ANKRD27: variants seen among roughly 807,000 people sequenced by gnomAD.
ANKRD27 encodes the protein ankyrin repeat domain-containing protein 27.
In ANKRD27, 112 loss-of-function variants were observed where a neutral mutation model predicts 129.7. That is an observed-to-expected ratio of 0.86 (90% CI 0.74 to 1.01). The LOEUF (loss-of-function observed/expected upper bound fraction) is 1.01, where lower values mean the gene tolerates loss of function less well. ANKRD27 is among the 50% of genes least tolerant of loss of function. The pLI, the probability that ANKRD27 is intolerant of heterozygous loss-of-function variation, is 0.00. For synonymous variants in ANKRD27, 516 were observed against 511.2 expected, an observed-to-expected ratio of 1.01 and a Z score of -0.13; for missense variants, 1,258 against 1,300.5, an observed-to-expected ratio of 0.97 and a Z score of 0.50.
rs1173706857 is a variant in ANKRD27 at position 32,619,187 on chromosome 19, G to C, written c.2007+73C>G. 6 of 1,540,780 alleles carry C rather than the reference G, an allele frequency of 3.9e-6. No individual in the cohort carries two copies. The African/African-American group carries it at 8.2e-5, about 21-fold the overall frequency. On this transcript the variant is annotated intron_variant, in intron 20 of 28. Transcript: ENST00000306065. ...AGAGGGCGGCCCTTGTCAGGCCACG[G>C]CTCTTCAGCTGGACACCACTGCCCA...
intron 15 of ANKRD27, among the ~76,000 whole-genome samples, chr19:32,627,850 T>C (rs575108633): frequency 6.6e-6 from 1 of 152,318 alleles, no homozygotes; most frequent in African/African-American, 2.4e-5. Flanking sequence ...AGTGTTTCCA[T>C]GCCGTGGGAC....
intron 1 of ANKRD27, among the ~76,000 whole-genome samples, chr19:32,674,151 T>C (rs1180351729): frequency 5.9e-5 from 9 of 151,880 alleles, no homozygotes; most frequent in African/African-American, 1.9e-4. Context: ...AGCCAGACCC[T>C]GTCTCAAAAA....
chr19:32,650,071 G>A (rs1393445196), intron 2 of ANKRD27, among the ~76,000 whole-genome samples: 1 of 152,144 alleles, frequency 6.6e-6, no homozygotes, highest in Non-Finnish European at 1.5e-5. Context: ...CTTCAGATGT[G>A]GAGGCTGACG....
At chr19:32,648,968 GTT>G (rs67248583) in intron 3 of ANKRD27, among the ~76,000 whole-genome samples, 3,576 of 126,298 alleles carry the variant, frequency 0.028, 134 homozygotes, top group African/African-American at 0.095. Flanking sequence ...TTTTGGGTTT[GTT>G]TTTTTTTTTT....
chr19:32,645,421 AAATAAT>A (rs1285434939), intron 4 of ANKRD27, among the ~76,000 whole-genome samples: 5 of 151,450 alleles, frequency 3.3e-5, no homozygotes, highest in Non-Finnish European at 5.9e-5. Context: ...AAAAATAATT[AAATAAT>A]AATAATAATA....
intron 3 of ANKRD27, among the ~76,000 whole-genome samples, chr19:32,649,415 C>T (rs909311159): frequency 1.2e-4 from 18 of 151,970 alleles, no homozygotes; most frequent in African/African-American, 3.4e-4. Flanking sequence ...TCCAGCGACA[C>T]ACGGCAGAAA....
In ANKRD27 at chr19:32,628,703, T is replaced by TC; in HGVS notation, c.1337+18dup. On this transcript the variant is annotated intron_variant, in intron 14 of 28. Coordinates refer to ENST00000306065, the MANE Select transcript of ANKRD27 (RefSeq NM_032139.3). ...CTCCTGCTTCCTGGCACTCTGAGCC[T>TC]CCACCAGCACCCTCTTACCCAGAGA... 6.2e-7 allele frequency: 1 copy of TC among 1,613,310 alleles called. No individual in the cohort carries two copies.
intron 11 of ANKRD27, 49 bp downstream of exon 11, chr19:32,640,258 C>T (rs774802465): frequency 1.6e-5 from 25 of 1,529,578 alleles, no homozygotes; most frequent in East Asian, 9.1e-5. Flanking sequence ...CCACCGTGCC[C>T]GGCCAAGCAC....
intron 10 of ANKRD27, 83 bp from the exon 11 acceptor site, chr19:32,640,468 C>G: frequency 1.8e-6 from 2 of 1,120,016 alleles, no homozygotes; most frequent in East Asian, 2.4e-5. Context: ...CACCGCACAC[C>G]TTGTGAAACC....
At chr19:32,656,959 C>T (rs1176236715) in intron 2 of ANKRD27, among the ~76,000 whole-genome samples, 2 of 152,048 alleles carry the variant, frequency 1.3e-5, no homozygotes, top group African/African-American at 4.8e-5. Flanking sequence ...GCTATATATT[C>T]TAATTTTTAA....
chr19:32,674,508 C>T (rs1430120122), intron 1 of ANKRD27, among the ~76,000 whole-genome samples: 1 of 152,182 alleles, frequency 6.6e-6, no homozygotes, highest in Non-Finnish European at 1.5e-5. Flanking sequence ...GACTCAGAAT[C>T]CGGAACATCT....
rs1349494687 is a variant in ANKRD27 at position 32,639,476 on chromosome 19, C to A, written c.996G>T (p.Leu332Phe). 6.2e-7 allele frequency: 1 copy of A among 1,612,844 alleles called. No homozygotes were observed. Among genetic ancestry groups the A allele is most frequent in the Non-Finnish European group, 8.5e-7 (1 of 1,179,358 alleles). ...KTEIPNWMAN[L>F]SYIKNFRFSS... Reference sequence around the variant, plus strand: ...TAAACCTGAAGTTTTTGATGTAACTCAAATTTGCCATCCTAATGAAAGGAA... The same window carrying A: ...TAAACCTGAAGTTTTTGATGTAACTAAAATTTGCCATCCTAATGAAAGGAA... Residue 332 changes from leucine (L) to phenylalanine (F), a missense_variant, in exon 12 of 29, where the codon TTG (leucine) becomes TTT (phenylalanine). By Grantham distance (22) the Leu-to-Phe change is conservative. Transcript: ENST00000306065.
chr19:32,617,800 G>A (rs1173154063), intron 20 of ANKRD27, among the ~76,000 whole-genome samples, 167 bp from the exon 21 acceptor site: 1 of 150,176 alleles, frequency 6.7e-6, no homozygotes, highest in Non-Finnish European at 1.5e-5. Flanking sequence ...TATTGCTCAG[G>A]ATGGAGTGCA....
Position 32,607,842 on chromosome 19 carries a change from G to A in ANKRD27, c.2176-10C>T, listed in dbSNP as rs373434433. 1.1e-4 allele frequency: 177 copies of A among 1,596,388 alleles called. No homozygotes were observed. Among genetic ancestry groups the A allele is most frequent in the Middle Eastern group, 5.0e-4 (3 of 6,038 alleles). On this transcript the variant is annotated splice_polypyrimidine_tract_variant and intron_variant, in intron 22 of 28. Coordinates refer to ENST00000306065, the MANE Select transcript of ANKRD27 (RefSeq NM_032139.3). ...GAACCTTCGCCAGCCTCTGGGAAGC[G>A]CAGAAGATGGAAACACAAACGTCAT...
At chr19:32,626,594 G>T (rs1319247388) in intron 16 of ANKRD27, 118 bp downstream of exon 16, 12 of 719,440 alleles carry the variant, frequency 1.7e-5, no homozygotes, top group East Asian at 2.9e-5. Context: ...GTGGAACGAG[G>T]GGGGCACAGC....
intron 22 of ANKRD27, 145 bp downstream of exon 22, chr19:32,615,513 G>A (rs979802798): frequency 1.9e-5 from 24 of 1,276,340 alleles, no homozygotes; most frequent in African/African-American, 4.4e-5. Context: ...GAGCCCAGGC[G>A]GTTGAGGCTG....
chr19:32,649,917 A>G (rs1967379472), intron 2 of ANKRD27, 125 bp from the exon 3 acceptor site: 2 of 698,130 alleles, frequency 2.9e-6, no homozygotes, highest in Admixed American at 4.3e-5. Flanking sequence ...AGAACGCCCG[A>G]GGTCCCTTGC....
chr19:32,640,547 A>T (rs1433964823), intron 10 of ANKRD27, among the ~76,000 whole-genome samples, 162 bp from the exon 11 acceptor site: 1 of 152,238 alleles, frequency 6.6e-6, no homozygotes, highest in Non-Finnish European at 1.5e-5. Flanking sequence ...CGTCCTGATC[A>T]GATGTCAGGT....
intron 1 of ANKRD27, among the ~76,000 whole-genome samples, chr19:32,665,021 C>T (rs999972080): frequency 2.0e-5 from 3 of 151,566 alleles, no homozygotes; most frequent in African/African-American, 4.8e-5. Flanking sequence ...CAGCACTTCT[C>T]GATTCATACT....
Sources: gnomAD v4.1 joint callset for allele counts (sites outside exome capture counted in the v4.1 genomes callset) on GRCh38, gnomAD v4.1.1 for gene constraint, MANE v1.5 for transcripts, NCBI Gene and HGNC (gene_info 2026-07-23, HGNC 2026-07-21) for gene names.